TRPM3: variants seen among roughly 807,000 people sequenced by gnomAD.
The protein encoded by TRPM3 is transient receptor potential cation channel subfamily M member 3, also known as long transient receptor potential channel 3.
Under a neutral mutation model 181.2 loss-of-function variants are expected in TRPM3, and 77 were observed. That is an observed-to-expected ratio of 0.42 (90% confidence interval 0.35 to 0.51). The LOEUF (loss-of-function observed/expected upper bound fraction) is 0.51. Among genes scored for constraint, TRPM3 ranks in the 20% least tolerant of loss-of-function variants. The pLI, the probability that TRPM3 is intolerant of heterozygous loss-of-function variation, is 0.01. For missense variants in TRPM3, 1,759 were observed against 2,196.7 expected (o/e 0.80, Z 3.98); for synonymous variants, 745 against 796.4 (o/e 0.94, Z 1.09).
intron 1 of TRPM3, among the ~76,000 whole-genome samples, chr9:70,873,945 A>G (rs1439629847): frequency 6.6e-6 from 1 of 151,898 alleles, no homozygotes; most frequent in African/African-American, 2.4e-5. Flanking sequence ...AATTCACCCT[A>G]GGGGAATAAT....
intron 6 of TRPM3, among the ~76,000 whole-genome samples, chr9:70,804,795 T>C (rs901601437): frequency 3.9e-5 from 6 of 152,206 alleles, no homozygotes; most frequent in African/African-American, 1.2e-4. Flanking sequence ...CTCTTCTTTC[T>C]ATCTCTCCTT....
At position 71,163,573 on chromosome 9, in the gene TRPM3, CAG is replaced by C. The variant is rs149216928; in HGVS notation, c.183+283078_183+283079del. 1.2e-4 allele frequency among the ~76,000 whole-genome samples: 19 copies of C among 152,222 alleles called. No individual in the cohort carries two copies. The East Asian group carries it at 2.9e-3, about 23-fold the overall frequency. Reference sequence around the variant, plus strand: ...GAGATAATCAAATTGAGGTAACAAACAGAGAGTTGGACATGTGTCTAGAGATC... The same window carrying C: ...GAGATAATCAAATTGAGGTAACAAACAGAGTTGGACATGTGTCTAGAGATC... On this transcript the variant is annotated intron_variant, in intron 1 of 24. Coordinates refer to the TRPM3 transcript ENST00000357533.
intron 21 of TRPM3, among the ~76,000 whole-genome samples, chr9:70,591,653 C>T (rs12338416): frequency 0.075 from 11,467 of 152,110 alleles, 795 homozygotes; most frequent in African/African-American, 0.19. Flanking sequence ...AGAGCGACTG[C>T]AATGCTGTAA....
At chr9:71,377,989 T>G (rs1056295510) in intron 1 of TRPM3, among the ~76,000 whole-genome samples, 1 of 152,056 alleles carries the variant, frequency 6.6e-6, no homozygotes, top group African/African-American at 2.4e-5. Context: ...TTGATGGACA[T>G]TTGGATTGTC....
intron 1 of TRPM3, among the ~76,000 whole-genome samples, chr9:71,207,929 TGA>T (rs2079225996): frequency 6.6e-6 from 1 of 152,120 alleles, no homozygotes; most frequent in African/African-American, 2.4e-5. Flanking sequence ...TATTCTTTGA[TGA>T]GAGTGGTTTC....
chr9:70,843,133 A>AT lies in TRPM3; in HGVS notation c.677-7_677-6insA, dbSNP rs2094787046. 6.3e-7 allele frequency: 1 copy of AT among 1,595,908 alleles called. No homozygotes were observed. The highest frequency in any genetic ancestry group is 8.5e-7 in the Non-Finnish European group (1 of 1,175,432). ...GCCAACATGACGAATAACACCTAAA[A>AT]AAAAAAGAGAAGCATTGATTTTTTC... On this transcript the variant is annotated splice_polypyrimidine_tract_variant and splice_region_variant and intron_variant, in intron 4 of 25. Coordinates refer to ENST00000677713, the MANE Select transcript of TRPM3 (RefSeq NM_001366145.2).
intron 1 of TRPM3, among the ~76,000 whole-genome samples, chr9:71,223,244 T>C (rs2080355985): frequency 6.6e-6 from 1 of 152,048 alleles, no homozygotes; most frequent in African/African-American, 2.4e-5. Context: ...AGGGCACCAG[T>C]CAGAGTCATG....
At chr9:71,023,611 C>T (rs2097863774) in intron 1 of TRPM3, among the ~76,000 whole-genome samples, 1 of 151,742 alleles carries the variant, frequency 6.6e-6, no homozygotes, top group African/African-American at 2.4e-5. Flanking sequence ...GCATGTTAAG[C>T]CAACTGTGGA....
chr9:70,555,713 G>A (rs370900750), intron 22 of TRPM3, among the ~76,000 whole-genome samples: 58 of 152,234 alleles, frequency 3.8e-4, no homozygotes, highest in African/African-American at 1.0e-3. Context: ...AGGCCTCATG[G>A]AACCATTGCT....
At chr9:70,932,335 C>G (rs2133426514) in intron 1 of TRPM3, among the ~76,000 whole-genome samples, 1 of 152,182 alleles carries the variant, frequency 6.6e-6, no homozygotes, top group African/African-American at 2.4e-5. Context: ...TGCCTGTCCA[C>G]CTGCCTGTCT....
At chr9:71,201,521 T>A (rs1325578117) in intron 1 of TRPM3, among the ~76,000 whole-genome samples, 1 of 152,198 alleles carries the variant, frequency 6.6e-6, no homozygotes, top group South Asian at 2.1e-4. Context: ...CAATCAGACG[T>A]AGATTTGGTC....
intron 1 of TRPM3, among the ~76,000 whole-genome samples, chr9:71,197,593 G>GT (rs2078469756): frequency 6.6e-6 from 1 of 151,838 alleles, no homozygotes; most frequent in Non-Finnish European, 1.5e-5. Context: ...TCTCATTGTG[G>GT]TTTTGATTTG....
intron 3 of TRPM3, among the ~76,000 whole-genome samples, chr9:70,858,140 T>G (rs572131360): frequency 6.6e-6 from 1 of 152,296 alleles, no homozygotes; most frequent in Non-Finnish European, 1.5e-5. Flanking sequence ...GGGCTTCAAC[T>G]TGGCTTCAAA....
chr9:71,364,211 A>G (rs2132745712), intron 1 of TRPM3, among the ~76,000 whole-genome samples: 1 of 152,328 alleles, frequency 6.6e-6, no homozygotes, highest in East Asian at 1.9e-4. Context: ...CTTTAAAAAA[A>G]AAAATCACTG....
chr9:70,554,634 C>T (rs1416502158), intron 22 of TRPM3, among the ~76,000 whole-genome samples: 1 of 152,130 alleles, frequency 6.6e-6, no homozygotes, highest in Non-Finnish European at 1.5e-5. Flanking sequence ...ATCAGCATTT[C>T]TTTTAAAACT....
At chr9:71,120,089 A>T (rs1007540564) in intron 1 of TRPM3, among the ~76,000 whole-genome samples, 2 of 152,196 alleles carry the variant, frequency 1.3e-5, no homozygotes, top group African/African-American at 4.8e-5. Context: ...GTCCCCATCA[A>T]ATCTTACCTA....
intron 3 of TRPM3, among the ~76,000 whole-genome samples, chr9:70,861,094 G>A (rs186612104): frequency 7.1e-4 from 107 of 150,786 alleles, no homozygotes; most frequent in Admixed American, 1.3e-3. Context: ...ATTTTTTAAC[G>A]GTAAAAAACT....
intron 1 of TRPM3, among the ~76,000 whole-genome samples, chr9:70,944,981 G>A (rs536067210): frequency 6.6e-6 from 1 of 151,752 alleles, no homozygotes; most frequent in South Asian, 2.1e-4. Context: ...TTAAGTATAA[G>A]GCTTCAACAG....
intron 1 of TRPM3, among the ~76,000 whole-genome samples, chr9:71,152,948 T>C (rs17056359): frequency 0.085 from 12,984 of 152,132 alleles, 715 homozygotes; most frequent in African/African-American, 0.15. Flanking sequence ...GCAAGTTGAT[T>C]AGTAAAGTCA....
Sources: allele counts gnomAD v4.1 joint callset (sites outside exome capture counted in the v4.1 genomes callset), GRCh38; gene constraint gnomAD v4.1.1; transcripts MANE v1.5; gene names NCBI Gene and HGNC (gene_info 2026-07-23, HGNC 2026-07-21).